The following TSPAN14 variants were observed in gnomAD, a reference collection of about 807,000 sequenced individuals.
The protein encoded by TSPAN14 is tetraspanin 14.
In TSPAN14, 16 loss-of-function variants were observed where a neutral mutation model predicts 36.6. That is an observed-to-expected ratio of 0.44 (90% CI 0.30 to 0.66). The LOEUF (loss-of-function observed/expected upper bound fraction) is 0.66. TSPAN14 is among the 30% of genes least tolerant of loss of function. The pLI is 0.12. For missense variants in TSPAN14, 231 were observed against 355.1 expected (o/e 0.65, Z 2.81); for synonymous variants, 139 against 143.8 (o/e 0.97, Z 0.24).
intron 1 of TSPAN14, among the ~76,000 whole-genome samples, chr10:80,470,249 T>C (rs959934714): frequency 6.6e-6 from 1 of 152,188 alleles, no homozygotes; most frequent in South Asian, 2.1e-4. Flanking sequence ...CCAGGCCTGC[T>C]AATTTTTCTA....
intron 2 of TSPAN14, among the ~76,000 whole-genome samples, chr10:80,500,994 T>C (rs1201989117): frequency 6.6e-6 from 1 of 152,226 alleles, no homozygotes; most frequent in African/African-American, 2.4e-5. Context: ...AGTCACCTCT[T>C]CCTATTGTAT....
chr10:80,483,966 A>T (rs117169617), intron 1 of TSPAN14, among the ~76,000 whole-genome samples: 11,384 of 140,444 alleles, frequency 0.081, 445 homozygotes, highest in African/African-American at 0.094. Context: ...AAAATAGGCC[A>T]GGCACGGTGA....
exon 9 of TSPAN14, chr10:80,518,346 C>T (rs1320552565): frequency 3.6e-6 from 1 of 277,708 alleles, no homozygotes; most frequent in Non-Finnish European, 7.0e-6. Context: ...CACTGGCATC[C>T]AGACATCTGC....
At chr10:80,485,803 C>A in intron 1 of TSPAN14, 1 of 539,828 alleles carries the variant, frequency 1.9e-6, no homozygotes, top group Non-Finnish European at 2.4e-6. Context: ...CAGTTTATTG[C>A]AATAGTTTCC....
At chr10:80,460,894 C>T (rs543773354) in intron 1 of TSPAN14, among the ~76,000 whole-genome samples, 2 of 152,166 alleles carry the variant, frequency 1.3e-5, no homozygotes, top group African/African-American at 2.4e-5. Flanking sequence ...GGTTCTCGCT[C>T]CCGCCTCCAT....
chr10:80,500,542 C>G (rs961990246), intron 2 of TSPAN14, among the ~76,000 whole-genome samples: 1 of 151,718 alleles, frequency 6.6e-6, no homozygotes, highest in Non-Finnish European at 1.5e-5. Flanking sequence ...TTGGTGAGGC[C>G]GGTCTCAAAC....
At chr10:80,461,800 G>A (rs913290438) in intron 1 of TSPAN14, among the ~76,000 whole-genome samples, 1 of 152,090 alleles carries the variant, frequency 6.6e-6, no homozygotes, top group African/African-American at 2.4e-5. Context: ...GAGGATTGTG[G>A]GATTACAGGC....
intron 1 of TSPAN14, among the ~76,000 whole-genome samples, chr10:80,461,000 C>A (rs1435051806): frequency 6.6e-6 from 1 of 152,172 alleles, no homozygotes; most frequent in Admixed American, 6.5e-5. Flanking sequence ...ACTCCTGCTG[C>A]CTTCTAGCCG....
chr10:80,509,503 G>T lies in TSPAN14; in HGVS notation c.450+32G>T, dbSNP rs758137731. 6.2e-7 allele frequency: 1 copy of T among 1,605,670 alleles called. No homozygotes were observed. Among genetic ancestry groups the T allele is most frequent in the East Asian group, 2.2e-5 (1 of 44,852 alleles). ...ACCTCCCCAGCGGGCCCCCGATAGAGCATGCACCTCCCTGTGCTGCCTGGA... is the reference window on the plus strand; with the variant it reads ...ACCTCCCCAGCGGGCCCCCGATAGATCATGCACCTCCCTGTGCTGCCTGGA... On this transcript the variant is annotated intron_variant, in intron 5 of 8. Coordinates refer to ENST00000429989, the Ensembl canonical transcript of TSPAN14. The surrounding 1 kb of genome is among the most constrained non-coding windows in gnomAD (Gnocchi z 4.7).
intron 3 of TSPAN14, 93 bp from the exon 4 acceptor site, chr10:80,507,135 G>A (rs1468144932): frequency 6.6e-6 from 10 of 1,504,058 alleles, no homozygotes; most frequent in Non-Finnish European, 9.1e-6. Flanking sequence ...GGGGAAGCAA[G>A]TCCCTGTTTT....
At chr10:80,463,054 T>C (rs1846062593) in intron 1 of TSPAN14, 1 of 152,258 alleles carries the variant, frequency 6.6e-6, no homozygotes, top group Non-Finnish European at 1.5e-5. Context: ...TCAGAATCTG[T>C]TCTTGCTCTT....
Position 80,466,024 on chromosome 10 carries a change from C to T in TSPAN14, c.-18+11653C>T, listed in dbSNP as rs535134633. Among the ~76,000 whole-genome samples the T allele has an allele frequency of 2.0e-5, 3 of 152,316 alleles. No individual in the cohort carries two copies. In the East Asian group the frequency reaches 5.8e-4, roughly 29 times the overall value. ...CTATCTGAGGTGTGCCCGCCCCAACCCATACTGTCTCCTTTCTAAACCACA... is the reference window on the plus strand; with the variant it reads ...CTATCTGAGGTGTGCCCGCCCCAACTCATACTGTCTCCTTTCTAAACCACA... On this transcript the variant is annotated intron_variant, in intron 1 of 8. Coordinates refer to ENST00000429989, the Ensembl canonical transcript of TSPAN14.
chr10:80,512,185 C>T, exon 6 of TSPAN14: 1 of 1,614,202 alleles, frequency 6.2e-7, no homozygotes. Context: ...ACTGGGACCT[C>T]AACGTCTACT....
At chr10:80,497,748 T>A (rs954496785) in intron 2 of TSPAN14, among the ~76,000 whole-genome samples, 29 of 152,258 alleles carry the variant, frequency 1.9e-4, no homozygotes, top group African/African-American at 7.0e-4. Context: ...TCAACTCTGT[T>A]ATCTGGCAAC....
chr10:80,520,808 C>T (rs746893143), exon 9 of TSPAN14: 2 of 533,362 alleles, frequency 3.7e-6, no homozygotes, highest in Admixed American at 1.9e-5. Context: ...TCAACTCTGG[C>T]CTTCTTCAGC....
intron 1 of TSPAN14, chr10:80,485,784 T>C: frequency 1.4e-6 from 1 of 693,136 alleles, no homozygotes; most frequent in Non-Finnish European, 1.8e-6. Flanking sequence ...CTGAAATGTT[T>C]CTTTTCAACA....
rs1407060044 is a variant in TSPAN14, at chr10:80,509,619, A to T, written c.450+148A>T. Reference sequence around the variant, plus strand: ...GGGAGGCCGTGGAACAAGCCACTCCACCTCTGGTCTGTTCCACTTTGCCGG... The same window carrying T: ...GGGAGGCCGTGGAACAAGCCACTCCTCCTCTGGTCTGTTCCACTTTGCCGG... On this transcript the variant is annotated intron_variant, in intron 5 of 8. Coordinates refer to ENST00000429989, the Ensembl canonical transcript of TSPAN14. This position sits in a 1 kb window ranked among gnomAD's most constrained non-coding sequence, Gnocchi z 4.7. 8 of 780,352 alleles carry T rather than the reference A, an allele frequency of 1.0e-5. No individual in the cohort carries two copies. Among genetic ancestry groups the T allele is most frequent in the Non-Finnish European group, 1.6e-5 (8 of 502,284 alleles). 48.3% of individuals were successfully genotyped at this position (780,352 alleles called of 1,614,324 possible).
At chr10:80,468,143 G>A (rs1174474531) in intron 1 of TSPAN14, among the ~76,000 whole-genome samples, 1 of 152,058 alleles carries the variant, frequency 6.6e-6, no homozygotes, top group Non-Finnish European at 1.5e-5. Flanking sequence ...CCCTTTATGT[G>A]CCTTTCCTGG....
intron 2 of TSPAN14, among the ~76,000 whole-genome samples, chr10:80,496,436 C>G (rs969272964): frequency 2.6e-5 from 4 of 152,166 alleles, no homozygotes; most frequent in African/African-American, 9.7e-5. Context: ...TCCTTTTATT[C>G]TGGATTATAG....
Sources: allele counts gnomAD v4.1 joint callset (sites outside exome capture counted in the v4.1 genomes callset), GRCh38; gene constraint gnomAD v4.1.1; non-coding constraint Gnocchi (gnomAD v3.1); transcripts MANE v1.5; gene names NCBI Gene and HGNC (gene_info 2026-07-23, HGNC 2026-07-21).